The following FIP1L1 variants were observed in gnomAD, a reference collection of about 807,000 sequenced individuals.
The protein encoded by FIP1L1 is factor interacting with PAPOLA and CPSF1.
FIP1L1 carries 21 observed loss-of-function variants against 84.6 expected under a neutral mutation model. That is an observed-to-expected ratio of 0.25 (90% CI 0.18 to 0.36). FIP1L1 has a LOEUF of 0.36. Ranked by LOEUF, FIP1L1 falls within the 10% of genes least tolerant of loss-of-function variation. FIP1L1 has a pLI of 1.00. For synonymous variants in FIP1L1, 263 were observed against 242.3 expected (o/e 1.09, Z -0.80); for missense variants, 526 against 751.1 (o/e 0.70, Z 3.50).
chr4:53,413,246 G>A (rs1451951235), intron 10 of FIP1L1, among the ~76,000 whole-genome samples: 2 of 151,670 alleles, frequency 1.3e-5, no homozygotes, highest in Non-Finnish European at 2.9e-5. Context: ...TTCCTTAGAA[G>A]CAGCCATTTT....
chr4:53,459,291 T>G lies in FIP1L1; in HGVS notation c.1638-11T>G, dbSNP rs762047569. On this transcript the variant is annotated splice_polypyrimidine_tract_variant and intron_variant, in intron 17 of 17. Coordinates refer to ENST00000337488, the MANE Select transcript of FIP1L1 (RefSeq NM_030917.4). ...ACAGAACACACCTTTTTTTTTTTTT[T>G]TTTTTTCCAGTAATAGTAGACGTCG... The G allele has an allele frequency of 4.8e-6, 7 of 1,458,166 alleles. No homozygotes were observed. In the South Asian group the frequency reaches 1.0e-4, roughly 21 times the overall value. 90.3% of individuals were successfully genotyped at this position (1,458,166 alleles called of 1,614,324 possible).
intron 11 of FIP1L1, among the ~76,000 whole-genome samples, chr4:53,416,478 A>G (rs527600580): frequency 3.2e-4 from 49 of 152,252 alleles, no homozygotes; most frequent in Admixed American, 2.6e-4. Context: ...AGCCTCTTCA[A>G]ACCTGAAACT....
At chr4:53,440,008 G>A (rs1353240702) in intron 13 of FIP1L1, among the ~76,000 whole-genome samples, 1 of 151,906 alleles carries the variant, frequency 6.6e-6, no homozygotes, top group African/African-American at 2.4e-5. Flanking sequence ...AATGTGCCCT[G>A]GGGGTGTATA....
chr4:53,459,213 T>C (rs1016418043), intron 17 of FIP1L1, 89 bp from the exon 18 acceptor site: 7 of 859,696 alleles, frequency 8.1e-6, no homozygotes, highest in Admixed American at 5.7e-5. Context: ...CCCAGTGTTA[T>C]ATTGAGAATT....
chr4:53,417,485 T>C (rs1442892857), intron 11 of FIP1L1, among the ~76,000 whole-genome samples: 1 of 151,200 alleles, frequency 6.6e-6, no homozygotes. Flanking sequence ...CTACTAAAAA[T>C]ACAAAAATTA....
chr4:53,458,934 A>T (rs1720943170), intron 17 of FIP1L1, 144 bp downstream of exon 17: 2 of 923,774 alleles, frequency 2.2e-6, no homozygotes, highest in Non-Finnish European at 1.6e-6. Context: ...CTTGTCTCAA[A>T]TTTTTTTAAA....
intron 13 of FIP1L1, among the ~76,000 whole-genome samples, chr4:53,434,007 T>C (rs1452621557): frequency 6.6e-6 from 1 of 152,176 alleles, no homozygotes; most frequent in Admixed American, 6.5e-5. Flanking sequence ...CTGCATTTCC[T>C]CTAAGTCCTG....
Position 53,441,978 on chromosome 4 carries a change from T to A in FIP1L1, c.1175-675T>A, listed in dbSNP as rs796173517. The stretch of plus-strand genomic sequence containing the variant: ...CTGAATTTGAAAGTGTAGTGTAGAT[T>A]AACTGTTTTTTAGCCATATTATTCT... On this transcript the variant is annotated intron_variant, in intron 13 of 17. Coordinates refer to ENST00000337488, the MANE Select transcript of FIP1L1 (RefSeq NM_030917.4). Among the ~76,000 whole-genome samples the A allele has an allele frequency of 3.3e-5, 5 of 151,328 alleles. No homozygotes were observed. In the South Asian group the frequency reaches 1.0e-3, roughly 32 times the overall value.
At chr4:53,387,654 T>C (rs1741834780) in intron 5 of FIP1L1, among the ~76,000 whole-genome samples, 1 of 152,188 alleles carries the variant, frequency 6.6e-6, no homozygotes, top group Admixed American at 6.5e-5. Flanking sequence ...GAATGGGGAA[T>C]AGAAAGTAGC....
At chr4:53,385,526 A>C (rs1055738137) in intron 5 of FIP1L1, among the ~76,000 whole-genome samples, 3 of 152,138 alleles carry the variant, frequency 2.0e-5, no homozygotes, top group Non-Finnish European at 4.4e-5. Context: ...AGAAACTGTG[A>C]TTTATGGAGT....
chr4:53,379,175 T>A, intron 2 of FIP1L1, 50 bp from the exon 3 acceptor site: 2 of 1,605,728 alleles, frequency 1.2e-6, no homozygotes, highest in Non-Finnish European at 1.7e-6. Flanking sequence ...TTAAGAGTGG[T>A]TTCTTTATTT....
chr4:53,381,113 C>T (rs1305112345), intron 3 of FIP1L1, among the ~76,000 whole-genome samples: 1 of 151,984 alleles, frequency 6.6e-6, no homozygotes, highest in African/African-American at 2.4e-5. Flanking sequence ...GGGGAAAAAA[C>T]AATTTCCTTT....
intron 13 of FIP1L1, among the ~76,000 whole-genome samples, chr4:53,430,134 T>C (rs1418837526): frequency 1.3e-5 from 2 of 152,152 alleles, no homozygotes; most frequent in African/African-American, 4.8e-5. Context: ...TTTACAAATA[T>C]AGTATATCCC....
chr4:53,417,152 T>G (rs1342855505), intron 11 of FIP1L1, among the ~76,000 whole-genome samples: 1 of 152,136 alleles, frequency 6.6e-6, no homozygotes, highest in East Asian at 1.9e-4. Context: ...ATAGCGAAAA[T>G]GTTGTTTCCC....
At chr4:53,447,482 A>G (rs1309939312) in intron 15 of FIP1L1, among the ~76,000 whole-genome samples, 1 of 152,104 alleles carries the variant, frequency 6.6e-6, no homozygotes, top group East Asian at 1.9e-4. Flanking sequence ...CAATGTTTAC[A>G]TTTTGTCCTG....
intron 10 of FIP1L1, among the ~76,000 whole-genome samples, chr4:53,407,973 T>G (rs1237686837): frequency 6.6e-6 from 1 of 152,248 alleles, no homozygotes; most frequent in Non-Finnish European, 1.5e-5. Flanking sequence ...GTCTTTTAAT[T>G]GGAGCATTTA....
intron 13 of FIP1L1, 198 bp from the exon 14 acceptor site, chr4:53,442,455 C>T (rs1415918442): frequency 3.7e-6 from 2 of 535,720 alleles, no homozygotes. Context: ...TGTATTAGAC[C>T]AGACTGCTTA....
intron 10 of FIP1L1, among the ~76,000 whole-genome samples, chr4:53,409,366 A>G (rs1457993964): frequency 6.6e-6 from 1 of 152,112 alleles, no homozygotes; most frequent in Non-Finnish European, 1.5e-5. Flanking sequence ...GTTTTGCCTC[A>G]GAGGAGTACC....
At position 53,392,365 on chromosome 4, in the gene FIP1L1, A is replaced by G. The variant is rs115555744; in HGVS notation, c.705+867A>G. Among the ~76,000 whole-genome samples, 923 of 152,292 alleles carry G rather than the reference A, an allele frequency of 6.1e-3. 13 individuals carry two copies. Among genetic ancestry groups the G allele is most frequent in the African/African-American group, 0.021 (874 of 41,588 alleles). On this transcript the variant is annotated intron_variant, in intron 9 of 17. Coordinates refer to ENST00000337488, the MANE Select transcript of FIP1L1 (RefSeq NM_030917.4). ...TGTCCACCAGAATACTGCCTTATGC[A>G]GTGTGTGTGCTATGTCTGCAGATAC...
Sources: allele counts gnomAD v4.1 joint callset (sites outside exome capture counted in the v4.1 genomes callset), GRCh38; gene constraint gnomAD v4.1.1; transcripts MANE v1.5; gene names NCBI Gene and HGNC (gene_info 2026-07-23, HGNC 2026-07-21).